Variants in SH3RF3 observed in about 807,000 individuals in gnomAD.
SH3RF3 encodes SH3 domain containing ring finger 3.
Under a neutral mutation model 66.3 loss-of-function variants are expected in SH3RF3, and 29 were observed. That is an observed-to-expected ratio of 0.44 (90% CI 0.33 to 0.60). SH3RF3 has a LOEUF of 0.60. Among genes scored for constraint, SH3RF3 ranks in the 20% least tolerant of loss-of-function variants. The probability of loss-of-function intolerance (pLI) is 0.04; values close to 1 mark genes in which losing one functional copy is unlikely to be tolerated. For synonymous variants in SH3RF3, 583 were observed against 532.0 expected, an observed-to-expected ratio of 1.10 and a Z score of -1.32; for missense variants, 1,194 against 1,190.9, an observed-to-expected ratio of 1.00 and a Z score of -0.04.
intron 3 of SH3RF3, among the ~76,000 whole-genome samples, chr2:109,382,824 T>A (rs187199972): frequency 1.3e-5 from 2 of 152,322 alleles, no homozygotes; most frequent in Admixed American, 6.5e-5. Context: ...CTTTCAGGAT[T>A]CCTAGTGCAG....
At chr2:109,343,806 A>G (rs1157516707) in intron 1 of SH3RF3, among the ~76,000 whole-genome samples, 1 of 150,684 alleles carries the variant, frequency 6.6e-6, no homozygotes, top group Non-Finnish European at 1.5e-5. Flanking sequence ...GTGCAGTGGT[A>G]CGATCATTGC....
intron 1 of SH3RF3, among the ~76,000 whole-genome samples, chr2:109,326,012 A>G (rs1322312047): frequency 6.6e-6 from 1 of 152,278 alleles, no homozygotes; most frequent in Non-Finnish European, 1.5e-5. Context: ...ACATTAGTAT[A>G]TCTACCATCA....
intron 1 of SH3RF3, among the ~76,000 whole-genome samples, chr2:109,238,334 A>G (rs541239250): frequency 6.6e-6 from 1 of 152,342 alleles, no homozygotes; most frequent in Non-Finnish European, 1.5e-5. Flanking sequence ...TTATAAATCT[A>G]TGCACAGAGA....
intron 4 of SH3RF3, among the ~76,000 whole-genome samples, chr2:109,416,598 T>A (rs575905211): frequency 6.6e-6 from 1 of 151,604 alleles, no homozygotes; most frequent in African/African-American, 2.4e-5. Context: ...TTGACCAGGC[T>A]GGTCTCAAAC....
chr2:109,318,680 T>G (rs1280319461), intron 1 of SH3RF3, among the ~76,000 whole-genome samples: 1 of 152,030 alleles, frequency 6.6e-6, no homozygotes, highest in Admixed American at 6.6e-5. Context: ...GCCAGAATGG[T>G]CTCTCAGATC....
chr2:109,385,225 C>T (rs1675793318), intron 3 of SH3RF3, among the ~76,000 whole-genome samples: 1 of 152,224 alleles, frequency 6.6e-6, no homozygotes, highest in Admixed American at 6.5e-5. Context: ...CCTTACCCAC[C>T]TCCAAGGGTT....
intron 1 of SH3RF3, among the ~76,000 whole-genome samples, chr2:109,229,764 C>T (rs949841251): frequency 2.0e-5 from 3 of 152,020 alleles, no homozygotes; most frequent in Admixed American, 6.6e-5. Flanking sequence ...TGTCACTTAA[C>T]ATCATCCAGG....
chr2:109,319,431 G>T (rs973498833), intron 1 of SH3RF3, among the ~76,000 whole-genome samples: 1 of 152,192 alleles, frequency 6.6e-6, no homozygotes, highest in African/African-American at 2.4e-5. Flanking sequence ...AGCCTGCTGG[G>T]CTGAAAGCTT....
At chr2:109,262,541 A>G (rs34982676) in intron 1 of SH3RF3, among the ~76,000 whole-genome samples, 43,203 of 152,108 alleles carry the variant, frequency 0.28, 7,813 homozygotes, top group Non-Finnish European at 0.4. Flanking sequence ...TCATCCTTCA[A>G]AGGTTTTCTT....
chr2:109,271,521 T>C (rs1423489474), intron 1 of SH3RF3, among the ~76,000 whole-genome samples: 4 of 152,222 alleles, frequency 2.6e-5, no homozygotes, highest in Non-Finnish European at 5.9e-5. Flanking sequence ...ATGACAGCAG[T>C]GAACAGAGCC....
chr2:109,156,665 C>T (rs1443884864), intron 1 of SH3RF3, among the ~76,000 whole-genome samples: 2 of 152,104 alleles, frequency 1.3e-5, no homozygotes, highest in Non-Finnish European at 1.5e-5. Context: ...AGGCTGGTCA[C>T]GAACTCCTGA....
chr2:109,266,822 T>A (rs1680508204), intron 1 of SH3RF3, among the ~76,000 whole-genome samples: 1 of 152,094 alleles, frequency 6.6e-6, no homozygotes, highest in South Asian at 2.1e-4. Context: ...GGGAGTCACC[T>A]CATGTTATTT....
intron 1 of SH3RF3, among the ~76,000 whole-genome samples, chr2:109,215,611 T>G (rs1001443439): frequency 1.3e-5 from 2 of 152,126 alleles, no homozygotes; most frequent in Non-Finnish European, 2.9e-5. Context: ...GGTAGAGTTC[T>G]TCCTCGGTGA....
At chr2:109,277,336 A>G (rs1680779577) in intron 1 of SH3RF3, among the ~76,000 whole-genome samples, 1 of 152,130 alleles carries the variant, frequency 6.6e-6, no homozygotes, top group South Asian at 2.1e-4. Context: ...TTTTGAAATG[A>G]TTATTTTCTC....
intron 9 of SH3RF3, among the ~76,000 whole-genome samples, chr2:109,491,944 G>A (rs532918357): frequency 2.6e-5 from 4 of 152,308 alleles, no homozygotes; most frequent in Admixed American, 6.5e-5. Context: ...GGAATGAGAC[G>A]GGGTCTATCT....
intron 2 of SH3RF3, among the ~76,000 whole-genome samples, chr2:109,350,495 A>T (rs1000058547): frequency 6.6e-6 from 1 of 152,188 alleles, no homozygotes; most frequent in East Asian, 1.9e-4. Flanking sequence ...CCATGCTCCT[A>T]TGCCCACTTT....
intron 3 of SH3RF3, among the ~76,000 whole-genome samples, chr2:109,380,520 C>A (rs1683488223): frequency 6.6e-6 from 1 of 152,228 alleles, no homozygotes; most frequent in African/African-American, 2.4e-5. Context: ...GGGAAGCTTG[C>A]AGCAGTTCTT....
chr2:109,194,650 A>G (rs1678453112), intron 1 of SH3RF3, among the ~76,000 whole-genome samples: 1 of 152,176 alleles, frequency 6.6e-6, no homozygotes, highest in Admixed American at 6.5e-5. Context: ...ACAGGAAGAG[A>G]TGGGTTTGGT....
rs1367325467 is a variant in SH3RF3, at chr2:109,490,652, CAAG to C, written c.2203_2205del (p.Lys735del). 5.3e-6 allele frequency: 8 copies of C among 1,506,120 alleles called. No homozygotes were observed. The highest frequency in any genetic ancestry group is 2.4e-5 in the South Asian group (2 of 81,980). The allele number at this position is 1,506,120 out of a possible 1,614,324, so 93.3% of individuals were successfully genotyped here. On this transcript the variant is annotated inframe_deletion, in exon 9 of 10. Transcript: ENST00000309415. The stretch of plus-strand genomic sequence containing the variant: ...TGAAGCTTCTAGCCGGAGCATCCAC[CAAG>C]AAGAAGTCACGCTCCCCGCCATCTG...
Sources: allele counts gnomAD v4.1 joint callset (sites outside exome capture counted in the v4.1 genomes callset), GRCh38; gene constraint gnomAD v4.1.1; transcripts MANE v1.5; gene names NCBI Gene and HGNC (gene_info 2026-07-23, HGNC 2026-07-21).